KAZN: variants seen among roughly 807,000 people sequenced by gnomAD.
KAZN encodes kazrin.
Under a neutral mutation model 87.4 loss-of-function variants are expected in KAZN, and 40 were observed. The ratio of observed to expected loss-of-function variants is 0.46; its 90% CI spans 0.36 to 0.60. The LOEUF (loss-of-function observed/expected upper bound fraction) is 0.60, where lower values mean the gene tolerates loss of function less well. KAZN is among the 20% of genes least tolerant of loss of function. The pLI is 0.00. For missense variants in KAZN, 898 were observed against 1,073.9 expected, an observed-to-expected ratio of 0.84 and a Z score of 2.29; for synonymous variants, 466 against 458.3, an observed-to-expected ratio of 1.02 and a Z score of -0.22.
At chr1:14,419,350 C>T (rs1180981228) in intron 2 of KAZN, among the ~76,000 whole-genome samples, 2 of 152,196 alleles carry the variant, frequency 1.3e-5, no homozygotes, top group Admixed American at 6.5e-5. Context: ...ATCTTTCCAC[C>T]CTGCCCGGCC....
rs7523830 is a variant in KAZN, at chr1:14,762,453, C to T, written c.226+163230C>T. Among the ~76,000 whole-genome samples the T allele has an allele frequency of 4.1e-3, 617 of 152,138 alleles. 5 individuals carry two copies. The highest frequency in any genetic ancestry group is 0.014 in the African/African-American group (597 of 41,516). On this transcript the variant is annotated intron_variant, in intron 1 of 14. Transcript: ENST00000376030. The stretch of plus-strand genomic sequence containing the variant: ...TCAAGAAAGAAGAAGAGGCCGGGTG[C>T]GGTGGCTCACGCCAGTAATCCCAGC...
Position 15,060,281 on chromosome 1 carries a change from C to A in KAZN, c.1026C>A (p.His342Gln), listed in dbSNP as rs200438096. The A allele has an allele frequency of 5.8e-5, 94 of 1,614,216 alleles. No homozygotes were observed. The highest frequency in any genetic ancestry group is 8.3e-5 in the Admixed American group (5 of 60,036). The part of the protein sequence containing the change: ...STPSDINSPR[H>Q]RTHSLCNGDS... ...CGAGCGACATCAACTCCCCTCGACA[C>A]CGGACACACTCCCTCTGCAACGTAA... Residue 342 changes from histidine (H) to glutamine (Q), a missense_variant, in exon 6 of 15, where the codon CAC becomes CAA. Around this residue, in one of 3 missense-constraint regions of KAZN, gnomAD observed 521 missense variants for 689.4 expected, o/e 0.76. Transcript: ENST00000376030.
intron 1 of KAZN, among the ~76,000 whole-genome samples, chr1:14,891,484 T>C (rs1441755664): frequency 1.3e-5 from 2 of 152,346 alleles, no homozygotes; most frequent in African/African-American, 4.8e-5. Flanking sequence ...GCGAATGCCA[T>C]TAACTTTCCT....
chr1:14,782,377 G>A lies in KAZN; in HGVS notation c.227-178307G>A, dbSNP rs986879547. Among the ~76,000 whole-genome samples, 23 of 151,722 alleles carry A rather than the reference G, an allele frequency of 1.5e-4. No homozygotes were observed. The East Asian group carries it at 2.9e-3, about 19-fold the overall frequency. ...AGCCTGGCCAAGATGGTGAAACACC[G>A]TCTCTACTAAAAATACAAAAATTAG... On this transcript the variant is annotated intron_variant, in intron 1 of 14. Transcript: ENST00000376030.
chr1:14,201,943 C>A (rs1170520411), intron 2 of KAZN, among the ~76,000 whole-genome samples: 1 of 152,218 alleles, frequency 6.6e-6, no homozygotes, highest in Non-Finnish European at 1.5e-5. Context: ...GCTGGGATTA[C>A]AGGCGTGAGC....
intron 1 of KAZN, among the ~76,000 whole-genome samples, chr1:14,719,979 C>T (rs888167592): frequency 2.0e-5 from 3 of 150,754 alleles, no homozygotes; most frequent in African/African-American, 4.9e-5. Flanking sequence ...GTGGAGTGGA[C>T]AAGAGGGAGA....
At chr1:14,406,505 A>C (rs562798881) in intron 2 of KAZN, among the ~76,000 whole-genome samples, 1 of 152,254 alleles carries the variant, frequency 6.6e-6, no homozygotes, top group Non-Finnish European at 1.5e-5. Flanking sequence ...ATGAAAAGGC[A>C]TAAGAATGAC....
intron 2 of KAZN, among the ~76,000 whole-genome samples, chr1:14,208,720 T>G (rs1300446721): frequency 1.3e-5 from 2 of 152,224 alleles, no homozygotes; most frequent in East Asian, 3.8e-4. Flanking sequence ...TTTCTGCATT[T>G]AACTGATGGT....
At chr1:14,204,092 G>A (rs1188763867) in intron 2 of KAZN, among the ~76,000 whole-genome samples, 1 of 152,228 alleles carries the variant, frequency 6.6e-6, no homozygotes, top group East Asian at 1.9e-4. Context: ...TTTTGGAGAA[G>A]GAAAAGAGAT....
chr1:14,476,301 T>A (rs1404789279), intron 2 of KAZN, among the ~76,000 whole-genome samples: 1 of 152,246 alleles, frequency 6.6e-6, no homozygotes, highest in Admixed American at 6.5e-5. Context: ...ATTCTGCCCT[T>A]GGTCTCAAAT....
intron 2 of KAZN, among the ~76,000 whole-genome samples, chr1:15,018,600 T>A (rs1343258088): frequency 2.7e-5 from 4 of 146,606 alleles, no homozygotes; most frequent in Non-Finnish European, 3.0e-5. Flanking sequence ...GGAGTTGATT[T>A]AAAAAAAAAA....
chr1:14,958,352 C>T (rs1367095818), intron 1 of KAZN, among the ~76,000 whole-genome samples: 2 of 152,058 alleles, frequency 1.3e-5, no homozygotes, highest in African/African-American at 4.8e-5. Context: ...GTATACAGGG[C>T]ACTTCTTGGG....
intron 2 of KAZN, among the ~76,000 whole-genome samples, chr1:14,579,936 A>C (rs78066724): frequency 0.02 from 2,956 of 147,480 alleles, 76 homozygotes; most frequent in African/African-American, 0.065. Flanking sequence ...TCACTTTATT[A>C]TTTTCTAGGA....
intron 1 of KAZN, among the ~76,000 whole-genome samples, chr1:14,704,114 G>C (rs1642078512): frequency 6.6e-6 from 1 of 152,196 alleles, no homozygotes; most frequent in African/African-American, 2.4e-5. Context: ...CTTCAAGTAA[G>C]TCCCTCTACC....
chr1:13,992,256 A>T (rs1639315671), intron 1 of KAZN, among the ~76,000 whole-genome samples: 3 of 152,290 alleles, frequency 2.0e-5, no homozygotes, highest in Middle Eastern at 3.4e-3. Flanking sequence ...TTTATGTAGT[A>T]GAAGATCCAT....
At position 14,954,904 on chromosome 1, in the gene KAZN, A is replaced by T. The variant is rs946042043; in HGVS notation, c.227-5780A>T. Among the ~76,000 whole-genome samples, 5 of 152,268 alleles carry T rather than the reference A, an allele frequency of 3.3e-5. No homozygotes were observed. The East Asian group carries it at 9.7e-4, about 29-fold the overall frequency. ...GAGGCAGAGCTTGCAGTGAGCCAAGATCGCGCCACTGTACTCCAGCCTGGG... is the reference window on the plus strand; with the variant it reads ...GAGGCAGAGCTTGCAGTGAGCCAAGTTCGCGCCACTGTACTCCAGCCTGGG... On this transcript the variant is annotated intron_variant, in intron 1 of 14. Transcript: ENST00000376030.
intron 1 of KAZN, among the ~76,000 whole-genome samples, chr1:14,158,648 G>A (rs895826755): frequency 6.6e-6 from 1 of 152,102 alleles, no homozygotes; most frequent in African/African-American, 2.4e-5. Flanking sequence ...CCTGGATGCT[G>A]TTGTTGCTTA....
intron 1 of KAZN, among the ~76,000 whole-genome samples, chr1:14,914,385 C>A (rs1455816565): frequency 6.6e-6 from 1 of 152,210 alleles, no homozygotes; most frequent in African/African-American, 2.4e-5. Flanking sequence ...AACAACTAAA[C>A]CCCCATCGGT....
rs772119075 is a variant in KAZN, at chr1:15,029,332, T to C, written c.419-5417T>C. Among the ~76,000 whole-genome samples the C allele has an allele frequency of 5.9e-5, 9 of 152,240 alleles. 4 individuals are homozygous for C. The highest frequency in any genetic ancestry group is 5.9e-4 in the Admixed American group (9 of 15,296). ...TCACAGCAGCAAGCCTGGCGTACAGTAGGTGCTTAATTGAACTATTTGGGG... is the reference window on the plus strand; with the variant it reads ...TCACAGCAGCAAGCCTGGCGTACAGCAGGTGCTTAATTGAACTATTTGGGG... On this transcript the variant is annotated intron_variant, in intron 2 of 14. Transcript: ENST00000376030.
Sources: allele counts gnomAD v4.1 joint callset (sites outside exome capture counted in the v4.1 genomes callset), GRCh38; gene constraint gnomAD v4.1.1; regional missense constraint gnomAD v4.1.1; transcripts MANE v1.5; gene names NCBI Gene and HGNC (gene_info 2026-07-23, HGNC 2026-07-21).